The following LCLAT1 variants were observed in gnomAD, a reference collection of about 807,000 sequenced individuals.
LCLAT1 encodes the protein 1-AGP acyltransferase 8.
LCLAT1 carries 11 observed loss-of-function variants against 30.7 expected under a neutral mutation model. The observed-to-expected ratio is 0.36, with a 90% CI of 0.23 to 0.59. LCLAT1 has a LOEUF of 0.59. LCLAT1 is among the 20% of genes least tolerant of loss of function. The pLI is 0.77. For missense variants in LCLAT1, 402 were observed against 458.6 expected (o/e 0.88, Z 1.13); for synonymous variants, 155 against 151.3 (o/e 1.02, Z -0.18).
intron 5 of LCLAT1, among the ~76,000 whole-genome samples, chr2:30,596,143 T>C (rs1269138824): frequency 1.3e-5 from 2 of 152,198 alleles, no homozygotes; most frequent in Non-Finnish European, 2.9e-5. Context: ...TTATGTTCCA[T>C]TGGGTATATA....
At position 30,609,252 on chromosome 2, in the gene LCLAT1, C is replaced by T. The variant is rs183636561; in HGVS notation, c.629-30865C>T. Among the ~76,000 whole-genome samples the T allele has an allele frequency of 3.3e-5, 5 of 151,918 alleles. No homozygotes were observed. The East Asian group carries it at 9.7e-4, about 29-fold the overall frequency. ...ATTGAACAGAAATTCCTGGTGTAAT[C>T]AAATTAAGAAGTTTTTATCTTACGA... On this transcript the variant is annotated intron_variant, in intron 5 of 5. Transcript: ENST00000379509.
intron 1 of LCLAT1, chr2:30,459,830 G>A (rs981511533): frequency 2.7e-6 from 2 of 741,740 alleles, no homozygotes; most frequent in Non-Finnish European, 4.7e-6. Context: ...ATGTTGTATT[G>A]TTGACATGTT....
At chr2:30,594,391 A>C (rs1666833837) in intron 5 of LCLAT1, among the ~76,000 whole-genome samples, 1 of 152,212 alleles carries the variant, frequency 6.6e-6, no homozygotes, top group South Asian at 2.1e-4. Context: ...CCAAGCATTT[A>C]TTCTACTTCC....
intron 5 of LCLAT1, among the ~76,000 whole-genome samples, chr2:30,584,127 T>G (rs1456542276): frequency 6.6e-6 from 1 of 152,178 alleles, no homozygotes; most frequent in Non-Finnish European, 1.5e-5. Flanking sequence ...ATGCAGTGTT[T>G]GTTTTTATTT....
rs528823149 is a variant in LCLAT1 at position 30,558,074 on chromosome 2, T to C, written c.365-4072T>C. On this transcript the variant is annotated intron_variant, in intron 3 of 5. Coordinates refer to ENST00000379509, the MANE Select transcript of LCLAT1 (RefSeq NM_001002257.3). ...AAGAACACATGGAATAACATCCTAATGAGTTTGGGATAGGCAGAGATTCCT... is the reference window on the plus strand; with the variant it reads ...AAGAACACATGGAATAACATCCTAACGAGTTTGGGATAGGCAGAGATTCCT... Among the ~76,000 whole-genome samples the C allele has an allele frequency of 2.2e-4, 34 of 152,288 alleles. No individual in the cohort carries two copies. The South Asian group carries it at 6.8e-3, about 31-fold the overall frequency.
At chr2:30,628,860 T>G (rs564349355) in intron 5 of LCLAT1, among the ~76,000 whole-genome samples, 1 of 152,128 alleles carries the variant, frequency 6.6e-6, no homozygotes, top group African/African-American at 2.4e-5. Context: ...CAGACAAAAC[T>G]AGGAATCCAG....
chr2:30,559,417 A>T (rs1665089584), intron 3 of LCLAT1, among the ~76,000 whole-genome samples: 1 of 152,234 alleles, frequency 6.6e-6, no homozygotes, highest in Non-Finnish European at 1.5e-5. Flanking sequence ...ATTATTGTAT[A>T]CCAAATCCTT....
intron 3 of LCLAT1, among the ~76,000 whole-genome samples, chr2:30,546,185 G>A (rs528553009): frequency 6.6e-6 from 1 of 152,228 alleles, no homozygotes; most frequent in African/African-American, 2.4e-5. Context: ...CAAGACATAC[G>A]AAGACTGTTA....
intron 1 of LCLAT1, among the ~76,000 whole-genome samples, chr2:30,465,114 T>TA (rs968299610): frequency 1.1e-4 from 16 of 152,050 alleles, no homozygotes; most frequent in Non-Finnish European, 1.3e-4. Context: ...CCTTGTATGT[T>TA]AAAAAAAATG....
At chr2:30,629,729 C>G (rs979021263) in intron 5 of LCLAT1, among the ~76,000 whole-genome samples, 1 of 152,104 alleles carries the variant, frequency 6.6e-6, no homozygotes, top group South Asian at 2.1e-4. Flanking sequence ...GTGTTCATAT[C>G]CTTTTTAGTT....
chr2:30,550,623 T>C (rs1664636537), intron 3 of LCLAT1, among the ~76,000 whole-genome samples: 1 of 152,186 alleles, frequency 6.6e-6, no homozygotes, highest in South Asian at 2.1e-4. Flanking sequence ...GATATCAACA[T>C]GGCTTATCAC....
intron 1 of LCLAT1, chr2:30,476,567 T>C (rs1683056192): frequency 2.2e-6 from 1 of 454,888 alleles, no homozygotes; most frequent in Non-Finnish European, 4.4e-6. Context: ...CTGTCTCCTA[T>C]CATCCCCAGA....
chr2:30,569,575 G>A (rs1379963995), intron 5 of LCLAT1, among the ~76,000 whole-genome samples: 1 of 148,742 alleles, frequency 6.7e-6, no homozygotes. Flanking sequence ...TGCATAACAT[G>A]AAAAGTCTTG....
intron 5 of LCLAT1, among the ~76,000 whole-genome samples, chr2:30,602,807 A>G (rs1485508234): frequency 6.6e-6 from 1 of 152,170 alleles, no homozygotes; most frequent in Non-Finnish European, 1.5e-5. Flanking sequence ...TCTTCACACT[A>G]GCTCAGTATT....
At chr2:30,474,415 G>A (rs1285708387) in intron 1 of LCLAT1, among the ~76,000 whole-genome samples, 11 of 152,084 alleles carry the variant, frequency 7.2e-5, no homozygotes, top group Non-Finnish European at 1.5e-4. Flanking sequence ...AGTGAGTGGG[G>A]GTTAAAAGAT....
chr2:30,624,690 G>C (rs111844372), intron 5 of LCLAT1, among the ~76,000 whole-genome samples: 3,052 of 152,264 alleles, frequency 0.02, 45 homozygotes, highest in South Asian at 0.036. Flanking sequence ...GTACTCCACT[G>C]ACCAGACTAG....
At chr2:30,604,124 C>A (rs980200214) in intron 5 of LCLAT1, among the ~76,000 whole-genome samples, 1 of 138,990 alleles carries the variant, frequency 7.2e-6, no homozygotes, top group Non-Finnish European at 1.6e-5. Flanking sequence ...TAGATTAGGG[C>A]ACAACTAACT....
At chr2:30,588,831 C>T (rs1253092850) in intron 5 of LCLAT1, among the ~76,000 whole-genome samples, 2 of 152,102 alleles carry the variant, frequency 1.3e-5, no homozygotes. Flanking sequence ...AACTCCCTAC[C>T]TCAGGTGATC....
chr2:30,564,438 A>G (rs1327097247), intron 4 of LCLAT1, among the ~76,000 whole-genome samples: 2 of 151,668 alleles, frequency 1.3e-5, no homozygotes, highest in Non-Finnish European at 1.5e-5. Context: ...TTCATTCTGT[A>G]TTTGTTCTCA....
Sources: gnomAD v4.1 joint callset for allele counts (sites outside exome capture counted in the v4.1 genomes callset) on GRCh38, gnomAD v4.1.1 for gene constraint, MANE v1.5 for transcripts, NCBI Gene and HGNC (gene_info 2026-07-23, HGNC 2026-07-21) for gene names.